The following TMEM132D variants were observed in gnomAD, a reference collection of about 807,000 sequenced individuals.
TMEM132D encodes the protein mature OL transmembrane protein.
In TMEM132D, 21 loss-of-function variants were observed where a neutral mutation model predicts 62.3. The observed-to-expected ratio is 0.34, with a 90% CI of 0.24 to 0.49. The LOEUF is 0.49. Among genes scored for constraint, TMEM132D ranks in the 20% least tolerant of loss-of-function variants. The pLI is 0.99. For synonymous variants in TMEM132D, 621 were observed against 575.6 expected, an observed-to-expected ratio of 1.08 and a Z score of -1.13; for missense variants, 1,346 against 1,402.8, an observed-to-expected ratio of 0.96 and a Z score of 0.65.
chr12:129,605,587 T>TTATATATATATA (rs71301340), intron 2 of TMEM132D, among the ~76,000 whole-genome samples: 6,207 of 107,066 alleles, frequency 0.058, 420 homozygotes, highest in Non-Finnish European at 0.078. Context: ...AAATTAGGCA[T>TTATATATATATA]TATATATATA....
At chr12:129,395,632 T>A (rs1252624048) in intron 3 of TMEM132D, among the ~76,000 whole-genome samples, 1 of 151,458 alleles carries the variant, frequency 6.6e-6, no homozygotes, top group Non-Finnish European at 1.5e-5. Context: ...TATTTACATA[T>A]AAAAAGGATA....
chr12:129,647,224 G>T (rs1879807442), intron 2 of TMEM132D, among the ~76,000 whole-genome samples: 4 of 138,630 alleles, frequency 2.9e-5, no homozygotes, highest in Admixed American at 1.5e-4. Flanking sequence ...TGCATTATTT[G>T]CTGTTCCTTT....
intron 2 of TMEM132D, among the ~76,000 whole-genome samples, chr12:129,552,450 CCTAG>C (rs1343577521): frequency 1.3e-5 from 2 of 152,108 alleles, no homozygotes; most frequent in African/African-American, 4.8e-5. Flanking sequence ...TACCTACCTA[CCTAG>C]CATCTGTTTA....
chr12:129,089,006 GGGATGTCCTCCATGACC>G (rs1874792030), intron 5 of TMEM132D, among the ~76,000 whole-genome samples: 1 of 42,686 alleles, frequency 2.3e-5, no homozygotes, highest in Admixed American at 2.4e-4. Context: ...CTCTATGACC[GGGATGTCCTCCATGACC>G]GGGTGTCCTC....
intron 1 of TMEM132D, among the ~76,000 whole-genome samples, chr12:129,873,062 G>A (rs1308684791): frequency 2.0e-5 from 3 of 152,152 alleles, no homozygotes; most frequent in Admixed American, 2.0e-4. Flanking sequence ...CAAGTCACGC[G>A]CCTGGAGTCT....
chr12:129,091,046 G>C (rs1330802047), intron 5 of TMEM132D, among the ~76,000 whole-genome samples: 1 of 152,214 alleles, frequency 6.6e-6, no homozygotes, highest in East Asian at 1.9e-4. Flanking sequence ...CTTTATGAAA[G>C]GGAAGAAAAT....
rs1464151636 is a variant in TMEM132D, at chr12:129,350,318, A to G, written c.1116-12501T>C. On this transcript the variant is annotated intron_variant, in intron 3 of 8. Coordinates refer to ENST00000422113, the MANE Select transcript of TMEM132D (RefSeq NM_133448.3). The stretch of plus-strand genomic sequence containing the variant: ...TAAATACTTGGAAGGAAAGATCCCC[A>G]GCAGATCAACTTTCTCCCAAAATGG... Among the ~76,000 whole-genome samples, 4 of 152,328 alleles carry G rather than the reference A, an allele frequency of 2.6e-5. No homozygotes were observed. In the South Asian group the frequency reaches 8.3e-4, roughly 32 times the overall value.
At chr12:129,752,514 C>T (rs921313837) in intron 1 of TMEM132D, among the ~76,000 whole-genome samples, 1 of 152,154 alleles carries the variant, frequency 6.6e-6, no homozygotes, top group African/African-American at 2.4e-5. Context: ...AAGCATCCTT[C>T]CATGAGATTT....
intron 1 of TMEM132D, among the ~76,000 whole-genome samples, chr12:129,834,527 T>C (rs1872941557): frequency 6.6e-6 from 1 of 151,988 alleles, no homozygotes; most frequent in Non-Finnish European, 1.5e-5. Context: ...GAATGGTCTT[T>C]TGAGGACATG....
At chr12:129,491,532 AACCCTTC>A (rs1874796076) in intron 3 of TMEM132D, among the ~76,000 whole-genome samples, 1 of 152,178 alleles carries the variant, frequency 6.6e-6, no homozygotes, top group African/African-American at 2.4e-5. Flanking sequence ...GCTGTCTCCT[AACCCTTC>A]ACTCCATGCG....
intron 2 of TMEM132D, among the ~76,000 whole-genome samples, chr12:129,663,708 T>C (rs1405073217): frequency 6.6e-6 from 1 of 152,138 alleles, no homozygotes; most frequent in African/African-American, 2.4e-5. Context: ...GAATAATTGA[T>C]GGCAAAGCAG....
At chr12:129,444,512 G>T (rs1422524098) in intron 3 of TMEM132D, among the ~76,000 whole-genome samples, 1 of 152,142 alleles carries the variant, frequency 6.6e-6, no homozygotes, top group South Asian at 2.1e-4. Flanking sequence ...GGTTTGTTAC[G>T]TAGGTAAATG....
At chr12:129,289,496 A>T (rs1881387946) in intron 4 of TMEM132D, among the ~76,000 whole-genome samples, 1 of 147,032 alleles carries the variant, frequency 6.8e-6, no homozygotes, top group Admixed American at 6.9e-5. Flanking sequence ...GTGAGCCGAG[A>T]TGGTGCCATT....
intron 1 of TMEM132D, among the ~76,000 whole-genome samples, chr12:129,794,400 C>A (rs950757622): frequency 6.6e-6 from 1 of 151,956 alleles, no homozygotes; most frequent in Non-Finnish European, 1.5e-5. Context: ...CCACACCCAG[C>A]CTTTAGTGTG....
intron 4 of TMEM132D, among the ~76,000 whole-genome samples, chr12:129,337,298 A>C (rs758903671): frequency 6.6e-6 from 1 of 152,164 alleles, no homozygotes; most frequent in African/African-American, 2.4e-5. Context: ...TGTCTACATC[A>C]TATGCTACAA....
chr12:129,145,109 A>G (rs1026665374), intron 5 of TMEM132D, among the ~76,000 whole-genome samples: 4 of 152,218 alleles, frequency 2.6e-5, no homozygotes, highest in African/African-American at 9.6e-5. Flanking sequence ...CTAAGACAGT[A>G]TACATATGTA....
chr12:129,713,991 C>G (rs1409820886), intron 1 of TMEM132D, among the ~76,000 whole-genome samples: 1 of 152,212 alleles, frequency 6.6e-6, no homozygotes. Flanking sequence ...ACCTTTGGGA[C>G]CCCAGGTAAG....
chr12:129,558,109 T>C (rs11060433), intron 2 of TMEM132D, among the ~76,000 whole-genome samples: 20,569 of 152,118 alleles, frequency 0.14, 1,772 homozygotes, highest in East Asian at 0.46. Context: ...AACAAAGATG[T>C]ATCACTTGCT....
chr12:129,803,799 T>A (rs1191122603), intron 1 of TMEM132D, among the ~76,000 whole-genome samples: 12 of 150,780 alleles, frequency 8.0e-5, no homozygotes. Context: ...CTAGCAAGAC[T>A]AATAAAGAAA....
Sources: allele counts gnomAD v4.1 joint callset (sites outside exome capture counted in the v4.1 genomes callset), GRCh38; gene constraint gnomAD v4.1.1; transcripts MANE v1.5; gene names NCBI Gene and HGNC (gene_info 2026-07-23, HGNC 2026-07-21).